Variants in KATNIP observed in about 807,000 individuals in gnomAD.
KATNIP encodes the protein katanin-interacting protein.
A neutral mutation model predicts 174.0 loss-of-function variants in KATNIP; 126 were observed. That is an observed-to-expected ratio of 0.72 (90% CI 0.63 to 0.84). KATNIP has a LOEUF of 0.84. Ranked by LOEUF, KATNIP falls within the 40% of genes least tolerant of loss-of-function variation. The pLI is 0.00. For synonymous variants in KATNIP, 810 were observed against 835.7 expected, an observed-to-expected ratio of 0.97 and a Z score of 0.53; for missense variants, 1,958 against 2,109.7, an observed-to-expected ratio of 0.93 and a Z score of 1.41.
chr16:27,600,839 C>T (rs1437197035), intron 2 of KATNIP, among the ~76,000 whole-genome samples: 3 of 152,048 alleles, frequency 2.0e-5, no homozygotes, highest in Non-Finnish European at 4.4e-5. Flanking sequence ...AAGCGATTCT[C>T]CTGCCTCAGC....
chr16:27,750,764 A>T (rs1446733898), intron 16 of KATNIP, among the ~76,000 whole-genome samples: 3 of 69,930 alleles, frequency 4.3e-5, no homozygotes, highest in Admixed American at 3.9e-4. Context: ...TTGGGTGGGG[A>T]GACAGGATCT....
rs146494297 is a variant in KATNIP at position 27,603,133 on chromosome 16, A to G, written c.64-15292A>G. Among the ~76,000 whole-genome samples the G allele has an allele frequency of 2.2e-4, 33 of 152,340 alleles. 1 individual carries two copies. The highest frequency in any genetic ancestry group is 6.5e-4 in the Admixed American group (10 of 15,298). ...GTCAGAAATGCAAAAGCCTGAAAAGACATCTCAGAAGGCCAATCAGGATCC... is the reference window on the plus strand; with the variant it reads ...GTCAGAAATGCAAAAGCCTGAAAAGGCATCTCAGAAGGCCAATCAGGATCC... On this transcript the variant is annotated intron_variant, in intron 2 of 27. Coordinates refer to ENST00000261588, the MANE Select transcript of KATNIP (RefSeq NM_015202.5).
In KATNIP at chr16:27,777,974, G is replaced by T; in HGVS notation, c.4801+5G>T. ...AGCAGAGCGTTGTTGACCCAGGTCAGTGGCGTTTCTCTGCCCAGAGCATTG... is the reference window on the plus strand; with the variant it reads ...AGCAGAGCGTTGTTGACCCAGGTCATTGGCGTTTCTCTGCCCAGAGCATTG... On this transcript the variant is annotated splice_donor_5th_base_variant and intron_variant, in intron 27 of 27. Transcript: ENST00000261588. The surrounding 1 kb of genome is among the most constrained non-coding windows in gnomAD (Gnocchi z 4.4). 1 of 1,613,624 alleles carries T rather than the reference G, an allele frequency of 6.2e-7. No individual in the cohort carries two copies.
rs967374503 is a variant in KATNIP, at chr16:27,701,491, G to C, written c.1180-98G>C. The C allele has an allele frequency of 1.2e-4, 98 of 851,648 alleles. 1 individual carries two copies. The highest frequency in any genetic ancestry group is 1.7e-4 in the Non-Finnish European group (88 of 532,396). The allele number at this position is 851,648 out of a possible 1,614,324, so 52.8% of individuals were successfully genotyped here. On this transcript the variant is annotated intron_variant, in intron 10 of 27. Transcript: ENST00000261588. ...TGTTCCTGTTTTCTACAAAGGGACT[G>C]TCAGCCTGAGCATGCCTGCCCTTGA...
intron 2 of KATNIP, among the ~76,000 whole-genome samples, chr16:27,612,966 G>C (rs2075940978): frequency 6.6e-6 from 1 of 151,728 alleles, no homozygotes; most frequent in Non-Finnish European, 1.5e-5. Flanking sequence ...TAAATAAAAA[G>C]AATCTGGGGC....
At chr16:27,720,808 C>T (rs2080197989) in intron 13 of KATNIP, among the ~76,000 whole-genome samples, 1 of 152,188 alleles carries the variant, frequency 6.6e-6, no homozygotes, top group South Asian at 2.1e-4. Flanking sequence ...TTGGGAGCAG[C>T]TGTGAGTTTT....
intron 2 of KATNIP, among the ~76,000 whole-genome samples, chr16:27,587,215 G>A (rs1381160600): frequency 6.6e-6 from 1 of 152,152 alleles, no homozygotes; most frequent in African/African-American, 2.4e-5. Flanking sequence ...ACTAATACAT[G>A]TGAAGCACTT....
At chr16:27,587,653 C>T (rs1241546792) in intron 2 of KATNIP, among the ~76,000 whole-genome samples, 2 of 152,168 alleles carry the variant, frequency 1.3e-5, no homozygotes, top group African/African-American at 4.8e-5. Flanking sequence ...TATTAGCCTA[C>T]AGTTGGGCAA....
At chr16:27,610,426 G>T (rs1436393923) in intron 2 of KATNIP, among the ~76,000 whole-genome samples, 1 of 152,150 alleles carries the variant, frequency 6.6e-6, no homozygotes, top group Non-Finnish European at 1.5e-5. Context: ...ACTTGGCATT[G>T]CATTTTGTGT....
intron 19 of KATNIP, among the ~76,000 whole-genome samples, chr16:27,763,828 T>C (rs1264225246): frequency 6.6e-6 from 1 of 152,216 alleles, no homozygotes; most frequent in African/African-American, 2.4e-5. Flanking sequence ...CATTTTTTTC[T>C]TGTAAATTAC....
At chr16:27,577,192 T>C (rs2090530708) in intron 2 of KATNIP, among the ~76,000 whole-genome samples, 1 of 152,226 alleles carries the variant, frequency 6.6e-6, no homozygotes, top group Admixed American at 6.5e-5. Flanking sequence ...TTAAAATGGT[T>C]AAATCCACAT....
At position 27,749,955 on chromosome 16, in the gene KATNIP, T is replaced by C. The variant is rs1198985230; in HGVS notation, c.2995T>C (p.Phe999Leu). 2 of 1,614,026 alleles carry C rather than the reference T, an allele frequency of 1.2e-6. No homozygotes were observed. Among genetic ancestry groups the C allele is most frequent in the Non-Finnish European group, 1.7e-6 (2 of 1,180,032 alleles). The change falls in exon 16 of 28, where the codon TTC becomes CTC. Residue 999 changes from phenylalanine to leucine, a missense_variant. By Grantham distance (22) the Phe-to-Leu change is conservative. Coordinates refer to ENST00000261588, the MANE Select transcript of KATNIP (RefSeq NM_015202.5). ...TGTCGGCCTCAACGGAATAGAAATA[T>C]TCAGTTCCAAGGGTGAACCGGTGCA... The part of the protein sequence containing the change: ...HYVGLNGIEI[F>L]SSKGEPVQIS...
chr16:27,728,090 C>T (rs561490437), intron 14 of KATNIP, among the ~76,000 whole-genome samples: 8 of 152,378 alleles, frequency 5.3e-5, no homozygotes, highest in East Asian at 1.9e-4. Context: ...TTTGGTCACC[C>T]GAGTCAGTGC....
At chr16:27,681,586 C>G (rs1415360432) in intron 8 of KATNIP, 56 bp downstream of exon 8, 5 of 1,606,896 alleles carry the variant, frequency 3.1e-6, no homozygotes, top group Non-Finnish European at 4.3e-6. Flanking sequence ...GGGTCACTCT[C>G]TGGGGTGCCA....
chr16:27,715,941 T>G (rs2079913112), intron 13 of KATNIP, among the ~76,000 whole-genome samples: 1 of 151,074 alleles, frequency 6.6e-6, no homozygotes, highest in Non-Finnish European at 1.5e-5. Flanking sequence ...CATTCCTAGG[T>G]GCATACCCAG....
At chr16:27,775,515 C>T (rs1425453632) in intron 24 of KATNIP, among the ~76,000 whole-genome samples, 1 of 152,220 alleles carries the variant, frequency 6.6e-6, no homozygotes, top group African/African-American at 2.4e-5. Flanking sequence ...CCAGTACGGC[C>T]GCCCTGCCCT....
chr16:27,631,985 T>C (rs2142172492), intron 5 of KATNIP, among the ~76,000 whole-genome samples: 1 of 152,296 alleles, frequency 6.6e-6, no homozygotes, highest in African/African-American at 2.4e-5. Context: ...TATGTTCCAA[T>C]ATTGTCCCTC....
At chr16:27,728,866 T>G (rs1023483412) in intron 14 of KATNIP, among the ~76,000 whole-genome samples, 2 of 152,078 alleles carry the variant, frequency 1.3e-5, no homozygotes, top group Non-Finnish European at 2.9e-5. Context: ...GCAGAGCAAG[T>G]GGGCGGGCTG....
chr16:27,663,415 C>CATTT (rs965168580), intron 6 of KATNIP, among the ~76,000 whole-genome samples: 29 of 151,046 alleles, frequency 1.9e-4, no homozygotes, highest in Admixed American at 4.6e-4. Flanking sequence ...CTTTCATTGT[C>CATTT]ATTTATTTAT....
Sources: gnomAD v4.1 joint callset for allele counts (sites outside exome capture counted in the v4.1 genomes callset) on GRCh38, gnomAD v4.1.1 for gene constraint, Gnocchi (gnomAD v3.1) non-coding constraint, MANE v1.5 for transcripts, NCBI Gene and HGNC (gene_info 2026-07-23, HGNC 2026-07-21) for gene names.